B3GNT3: variants seen among roughly 807,000 people sequenced by gnomAD.
The protein encoded by B3GNT3 is N-acetyllactosaminide beta-1,3-N-acetylglucosaminyltransferase 3.
A neutral mutation model predicts 11.6 loss-of-function variants in B3GNT3; 7 were observed. The ratio of observed to expected loss-of-function variants is 0.60; its 90% CI spans 0.34 to 1.13. The LOEUF (loss-of-function observed/expected upper bound fraction) is 1.13, where lower values mean the gene tolerates loss of function less well. Ranked by LOEUF, B3GNT3 falls within the 50% of genes most tolerant of loss-of-function variation. B3GNT3 has a pLI of 0.03. For missense variants in B3GNT3, 400 were observed against 507.4 expected (o/e 0.79, Z 2.03); for synonymous variants, 201 against 222.1 (o/e 0.90, Z 0.85).
intron 1 of B3GNT3, among the ~76,000 whole-genome samples, chr19:17,802,329 G>A (rs950109707): frequency 6.6e-6 from 1 of 152,180 alleles, no homozygotes; most frequent in Non-Finnish European, 1.5e-5. Flanking sequence ...GAGTGGGGGC[G>A]AGGCTGCAGT....
Position 17,811,847 on chromosome 19 carries a change from G to A in B3GNT3, c.844G>A (p.Ala282Thr). 1 of 1,614,204 alleles carries A rather than the reference G, an allele frequency of 6.2e-7. No homozygotes were observed. Among genetic ancestry groups the A allele is most frequent in the Non-Finnish European group, 8.5e-7 (1 of 1,180,046 alleles). ...GFLLSRFTAA[A>T]LRRAAHVLDI... Reference sequence around the variant, plus strand: ...CTTGCTGTCCCGCTTCACGGCCGCTGCCCTGCGCCGTGCTGCCCATGTCTT... The same window carrying A: ...CTTGCTGTCCCGCTTCACGGCCGCTACCCTGCGCCGTGCTGCCCATGTCTT... The change falls in exon 3 of 3, where the codon GCC (alanine) becomes ACC (threonine). Residue 282 changes from alanine (A) to threonine (T), a missense_variant. Transcript: ENST00000318683. This position sits in a 1 kb window ranked among gnomAD's most constrained non-coding sequence, Gnocchi z 4.1.
intron 1 of B3GNT3, among the ~76,000 whole-genome samples, chr19:17,802,976 T>C (rs1196908396): frequency 1.3e-5 from 2 of 151,472 alleles, no homozygotes; most frequent in Non-Finnish European, 2.9e-5. Flanking sequence ...AGGCATGAGC[T>C]ACTGCATCCA....
chr19:17,804,533 C>CCTATTTTTT (rs987013912), intron 1 of B3GNT3, among the ~76,000 whole-genome samples: 1 of 57,016 alleles, frequency 1.8e-5, no homozygotes, highest in Non-Finnish European at 2.8e-5. Flanking sequence ...CCGTGCCCAG[C>CCTATTTTTT]TTTTTTTTTT....
In B3GNT3 at chr19:17,813,310, G is replaced by C. The variant is rs1042868956; in HGVS notation, c.*1188G>C. On this transcript the variant is annotated 3_prime_UTR_variant, in exon 3 of 3. Coordinates refer to ENST00000318683, the MANE Select transcript of B3GNT3 (RefSeq NM_014256.4). Reference sequence around the variant, plus strand: ...CAAAATAAAAAATTACTCAGGCGTGGTGGTGCTCACATGCCTGTAGTCCCA... The same window carrying C: ...CAAAATAAAAAATTACTCAGGCGTGCTGGTGCTCACATGCCTGTAGTCCCA... Among the ~76,000 whole-genome samples, 1 of 152,106 alleles carries C rather than the reference G, an allele frequency of 6.6e-6. No homozygotes were observed. The highest frequency in any genetic ancestry group is 1.5e-5 in the Non-Finnish European group (1 of 68,036).
chr19:17,803,946 G>A (rs1214675107), intron 1 of B3GNT3, among the ~76,000 whole-genome samples: 3 of 152,068 alleles, frequency 2.0e-5, no homozygotes, highest in Non-Finnish European at 4.4e-5. Flanking sequence ...AGGATTGCTT[G>A]AGGCCAGGAA....
chr19:17,796,637 T>C (rs530052907), intron 1 of B3GNT3, among the ~76,000 whole-genome samples: 2 of 152,248 alleles, frequency 1.3e-5, no homozygotes, highest in Admixed American at 1.3e-4. Context: ...GGCCCCCATA[T>C]GGCCTAGGTG....
chr19:17,807,732 T>G, intron 1 of B3GNT3, 26 bp from the exon 2 acceptor site: 3 of 1,372,148 alleles, frequency 2.2e-6, no homozygotes, highest in Non-Finnish European at 3.0e-6. Flanking sequence ...TCATGGCGAG[T>G]GTTCAGTGAG....
Position 17,811,837 on chromosome 19 carries a change from C to T in B3GNT3, c.834C>T (p.Phe278=). 6.2e-7 allele frequency: 1 copy of T among 1,614,228 alleles called. No homozygotes were observed. The highest frequency in any genetic ancestry group is 8.5e-7 in the Non-Finnish European group (1 of 1,180,042). ...CGGGGFLLSR[F]TAAALRRAAH... is the part of the protein sequence containing the mutation. ...GTGGTGGCTTCTTGCTGTCCCGCTT[C>T]ACGGCCGCTGCCCTGCGCCGTGCTG... is the stretch of plus-strand genomic sequence containing the variant. The change falls in exon 3 of 3, where the codon TTC becomes TTT. Residue 278 remains phenylalanine, a synonymous_variant. Transcript: ENST00000318683. This position sits in a 1 kb window ranked among gnomAD's most constrained non-coding sequence, Gnocchi z 4.1.
At chr19:17,802,136 C>T (rs2094167075) in intron 1 of B3GNT3, among the ~76,000 whole-genome samples, 1 of 151,922 alleles carries the variant, frequency 6.6e-6, no homozygotes, top group South Asian at 2.1e-4. Flanking sequence ...CTGTGTTACC[C>T]AGGCTGGTCT....
chr19:17,797,379 A>G (rs1033403596), intron 1 of B3GNT3, among the ~76,000 whole-genome samples: 1 of 152,156 alleles, frequency 6.6e-6, no homozygotes, highest in Non-Finnish European at 1.5e-5. Flanking sequence ...GGAGGGGCCC[A>G]GGAGACCTCA....
At chr19:17,803,979 T>C (rs1599845841) in intron 1 of B3GNT3, among the ~76,000 whole-genome samples, 1 of 152,056 alleles carries the variant, frequency 6.6e-6, no homozygotes, top group East Asian at 1.9e-4. Context: ...CTGGACAACA[T>C]AGTGAGACCC....
chr19:17,807,111 AGTGT>A (rs56140662), intron 1 of B3GNT3, among the ~76,000 whole-genome samples: 2,119 of 116,258 alleles, frequency 0.018, 59 homozygotes, highest in African/African-American at 0.065. Flanking sequence ...CAGTGGCCCC[AGTGT>A]GTGTGTGTGT....
chr19:17,795,478 G>A (rs1803146923), intron 1 of B3GNT3, among the ~76,000 whole-genome samples: 1 of 152,228 alleles, frequency 6.6e-6, no homozygotes, highest in Non-Finnish European at 1.5e-5. Context: ...CTCCCAGATT[G>A]GGCGGGATCA....
At chr19:17,804,533 C>CCTTT (rs987013912) in intron 1 of B3GNT3, among the ~76,000 whole-genome samples, 1 of 57,014 alleles carries the variant, frequency 1.8e-5, no homozygotes, top group Non-Finnish European at 2.8e-5. Context: ...CCGTGCCCAG[C>CCTTT]TTTTTTTTTT....
Position 17,799,545 on chromosome 19 carries a change from G to A in B3GNT3, c.-51+4339G>A, listed in dbSNP as rs189640013. On this transcript the variant is annotated intron_variant, in intron 1 of 2. Coordinates refer to ENST00000318683, the MANE Select transcript of B3GNT3 (RefSeq NM_014256.4). Reference sequence around the variant, plus strand: ...TGCCTCCCAAAGTGCTGGGATTACAGGTGTGAGCCACCGAGCCCGGCTGAC... The same window carrying A: ...TGCCTCCCAAAGTGCTGGGATTACAAGTGTGAGCCACCGAGCCCGGCTGAC... Among the ~76,000 whole-genome samples, 23 of 152,180 alleles carry A rather than the reference G, an allele frequency of 1.5e-4. No individual in the cohort carries two copies. In the East Asian group the frequency reaches 4.3e-3, roughly 28 times the overall value.
At chr19:17,802,983 T>A (rs1276970736) in intron 1 of B3GNT3, among the ~76,000 whole-genome samples, 3 of 150,916 alleles carry the variant, frequency 2.0e-5, no homozygotes. Flanking sequence ...AGCTACTGCA[T>A]CCAGCCTGAG....
rs2094181819 is a variant in B3GNT3, at chr19:17,812,064, T to C, written c.1061T>C (p.Met354Thr). The C allele has an allele frequency of 2.5e-6, 4 of 1,598,944 alleles. No individual in the cohort carries two copies. The highest frequency in any genetic ancestry group is 3.4e-6 in the Non-Finnish European group (4 of 1,179,890). ...TTCCTACCTTATGAGATGCTGCTCA[T>C]GTGGGATGCGCTGAACCAGCCCAAC... The part of the protein sequence containing the change: ...HRFLPYEMLL[M>T]WDALNQPNLT... Residue 354 changes from methionine (M) to threonine (T), a missense_variant, in exon 3 of 3, where the codon ATG (methionine) becomes ACG (threonine). Coordinates refer to ENST00000318683, the MANE Select transcript of B3GNT3 (RefSeq NM_014256.4).
rs1311058038 is a variant in B3GNT3 at position 17,811,863 on chromosome 19, C to T, written c.860C>T (p.Ala287Val). 1.2e-6 allele frequency: 2 copies of T among 1,614,164 alleles called. No individual in the cohort carries two copies. The highest frequency in any genetic ancestry group is 1.7e-6 in the Non-Finnish European group (2 of 1,180,036). Reference protein sequence around the residue: ...RFTAAALRRAAHVLDIFPIDD... With the variant: ...RFTAAALRRAVHVLDIFPIDD... The stretch of plus-strand genomic sequence containing the variant: ...ACGGCCGCTGCCCTGCGCCGTGCTG[C>T]CCATGTCTTGGACATCTTCCCCATT... Residue 287 changes from alanine to valine, a missense_variant, in exon 3 of 3, where the codon GCC (alanine) becomes GTC (valine). Ala to Val is a moderately conservative substitution (Grantham distance 64). Transcript: ENST00000318683. The surrounding 1 kb of genome is among the most constrained non-coding windows in gnomAD (Gnocchi z 4.1).
At chr19:17,796,630 C>T (rs2094159807) in intron 1 of B3GNT3, among the ~76,000 whole-genome samples, 1 of 152,130 alleles carries the variant, frequency 6.6e-6, no homozygotes, top group Admixed American at 6.5e-5. Context: ...GCAGCTGGGC[C>T]CCCATATGGC....
Sources: allele counts gnomAD v4.1 joint callset (sites outside exome capture counted in the v4.1 genomes callset), GRCh38; gene constraint gnomAD v4.1.1; non-coding constraint Gnocchi (gnomAD v3.1); transcripts MANE v1.5; gene names NCBI Gene and HGNC (gene_info 2026-07-23, HGNC 2026-07-21).